Variants in ANGPT1 observed in about 807,000 individuals in gnomAD.
ANGPT1 encodes angiopoietin 1.
A neutral mutation model predicts 62.2 loss-of-function variants in ANGPT1; 17 were observed. The ratio of observed to expected loss-of-function variants is 0.27; its 90% CI spans 0.19 to 0.41. The LOEUF (loss-of-function observed/expected upper bound fraction) is 0.41, where lower values mean the gene tolerates loss of function less well. Ranked by LOEUF, ANGPT1 falls within the 10% of genes least tolerant of loss-of-function variation. The probability of loss-of-function intolerance (pLI) is 1.00; values close to 1 mark genes in which losing one functional copy is unlikely to be tolerated. For synonymous variants in ANGPT1, 199 were observed against 198.9 expected (o/e 1.00, Z 0.00); for missense variants, 478 against 594.9 (o/e 0.80, Z 2.04).
At chr8:107,371,556 T>C (rs1430287497) in intron 1 of ANGPT1, among the ~76,000 whole-genome samples, 1 of 148,642 alleles carries the variant, frequency 6.7e-6, no homozygotes, top group African/African-American at 2.5e-5. Flanking sequence ...ATCCCCTCTC[T>C]CTTGGTGCTG....
At chr8:107,293,227 ATG>A (rs1814323729) in intron 6 of ANGPT1, among the ~76,000 whole-genome samples, 4 of 140,464 alleles carry the variant, frequency 2.8e-5, no homozygotes, top group South Asian at 2.4e-4. Context: ...GATGATGATG[ATG>A]ATGATGATGC....
chr8:107,286,294 A>AT (rs1814138892), intron 6 of ANGPT1, among the ~76,000 whole-genome samples: 1 of 152,192 alleles, frequency 6.6e-6, no homozygotes, highest in African/African-American at 2.4e-5. Flanking sequence ...GAGAGTTTTA[A>AT]TTTTTTATAA....
intron 1 of ANGPT1, among the ~76,000 whole-genome samples, chr8:107,374,459 C>T (rs1456414782): frequency 1.3e-5 from 2 of 152,194 alleles, no homozygotes; most frequent in East Asian, 3.9e-4. Context: ...ATCACAGAGT[C>T]TTGCAGATTC....
At chr8:107,325,347 C>T (rs938680589) in intron 3 of ANGPT1, among the ~76,000 whole-genome samples, 1 of 152,072 alleles carries the variant, frequency 6.6e-6, no homozygotes, top group Non-Finnish European at 1.5e-5. Context: ...AGGCAAGATG[C>T]CCATAATTTA....
chr8:107,436,004 G>A (rs1378169527), intron 1 of ANGPT1, among the ~76,000 whole-genome samples: 1 of 152,160 alleles, frequency 6.6e-6, no homozygotes, highest in African/African-American at 2.4e-5. Flanking sequence ...CTGGGCCCAA[G>A]CCATCCTCTC....
At chr8:107,337,988 C>T (rs1815606589) in intron 2 of ANGPT1, among the ~76,000 whole-genome samples, 1 of 152,062 alleles carries the variant, frequency 6.6e-6, no homozygotes, top group Admixed American at 6.5e-5. Context: ...CCCAGCTACT[C>T]AGGAGGCTAA....
chr8:107,462,724 C>T (rs1003527536), intron 1 of ANGPT1, among the ~76,000 whole-genome samples: 6 of 152,012 alleles, frequency 3.9e-5, no homozygotes, highest in African/African-American at 1.4e-4. Context: ...AAAGTAAAAA[C>T]TTTTAAAAGA....
intron 1 of ANGPT1, among the ~76,000 whole-genome samples, chr8:107,351,576 T>C (rs1160658370): frequency 6.6e-6 from 1 of 151,492 alleles, no homozygotes; most frequent in East Asian, 1.9e-4. Context: ...ATACACAATA[T>C]ATTATAATAT....
intron 1 of ANGPT1, among the ~76,000 whole-genome samples, chr8:107,399,403 G>A (rs2130326012): frequency 6.6e-6 from 1 of 152,212 alleles, no homozygotes; most frequent in Admixed American, 6.5e-5. Flanking sequence ...TCAGAATAAA[G>A]GCTTGTAATT....
At chr8:107,487,243 A>G (rs72674337) in intron 1 of ANGPT1, among the ~76,000 whole-genome samples, 17,929 of 152,094 alleles carry the variant, frequency 0.12, 1,228 homozygotes, top group Non-Finnish European at 0.16. Flanking sequence ...ATTAAAAACA[A>G]TAATGGAGGA....
At chr8:107,370,700 C>G (rs1169083302) in intron 1 of ANGPT1, among the ~76,000 whole-genome samples, 50 of 75,564 alleles carry the variant, frequency 6.6e-4, no homozygotes, top group East Asian at 2.1e-3. Flanking sequence ...AAGACTCTGT[C>G]AAAAAAAAAA....
chr8:107,267,202 G>T (rs1338245299), intron 7 of ANGPT1, among the ~76,000 whole-genome samples: 1 of 151,904 alleles, frequency 6.6e-6, no homozygotes, highest in Non-Finnish European at 1.5e-5. Flanking sequence ...AATAGAAATA[G>T]AATTATACTT....
intron 1 of ANGPT1, among the ~76,000 whole-genome samples, chr8:107,431,451 A>T (rs1175304935): frequency 2.0e-5 from 3 of 152,176 alleles, no homozygotes; most frequent in Non-Finnish European, 4.4e-5. Context: ...AGCTAAAGTG[A>T]CTTCATCTTT....
At chr8:107,279,321 T>G (rs940818631) in intron 7 of ANGPT1, among the ~76,000 whole-genome samples, 2 of 152,150 alleles carry the variant, frequency 1.3e-5, no homozygotes, top group African/African-American at 2.4e-5. Flanking sequence ...TACTTTAACT[T>G]GTAAGAATAG....
intron 1 of ANGPT1, among the ~76,000 whole-genome samples, chr8:107,493,607 T>A (rs982095418): frequency 6.6e-6 from 1 of 150,548 alleles, no homozygotes; most frequent in Admixed American, 6.7e-5. Flanking sequence ...GGTGTATACC[T>A]CGAATAAAAT....
intron 1 of ANGPT1, among the ~76,000 whole-genome samples, chr8:107,461,372 A>G (rs569898207): frequency 6.6e-6 from 1 of 152,292 alleles, no homozygotes; most frequent in African/African-American, 2.4e-5. Context: ...AGATACCTAA[A>G]GCAACTCAGT....
At chr8:107,487,030 G>A (rs78715640) in intron 1 of ANGPT1, among the ~76,000 whole-genome samples, 397 of 152,096 alleles carry the variant, frequency 2.6e-3, no homozygotes, top group African/African-American at 8.9e-3. Flanking sequence ...TCCTAAAAGC[G>A]CATGACAAAA....
chr8:107,429,820 A>G (rs182963499), intron 1 of ANGPT1, among the ~76,000 whole-genome samples: 6 of 144,856 alleles, frequency 4.1e-5, no homozygotes, highest in Middle Eastern at 3.6e-3. Context: ...TTTGAAATGC[A>G]GGCTTCCACA....
intron 1 of ANGPT1, among the ~76,000 whole-genome samples, chr8:107,463,173 G>A (rs909402618): frequency 3.9e-5 from 6 of 152,108 alleles, no homozygotes; most frequent in African/African-American, 1.2e-4. Flanking sequence ...GATGAAGTAA[G>A]CTGAATGTTG....
Sources: allele counts gnomAD v4.1 joint callset (sites outside exome capture counted in the v4.1 genomes callset), GRCh38; gene constraint gnomAD v4.1.1; transcripts MANE v1.5; gene names NCBI Gene and HGNC (gene_info 2026-07-23, HGNC 2026-07-21).